The following DGLUCY variants were observed in gnomAD, a reference collection of about 807,000 sequenced individuals.
The protein encoded by DGLUCY is D-glutamate cyclase, mitochondrial.
In DGLUCY, 58 loss-of-function variants were observed where a neutral mutation model predicts 58.5. The ratio of observed to expected loss-of-function variants is 0.99; its 90% CI spans 0.80 to 1.23. The LOEUF (loss-of-function observed/expected upper bound fraction) is 1.23. DGLUCY is among the 50% of genes most tolerant of loss of function. The pLI is 0.00. For missense variants in DGLUCY, 779 were observed against 784.7 expected, an observed-to-expected ratio of 0.99 and a Z score of 0.09; for synonymous variants, 325 against 314.1, an observed-to-expected ratio of 1.03 and a Z score of -0.37.
intron 1 of DGLUCY, among the ~76,000 whole-genome samples, chr14:91,129,826 A>G (rs1277172097): frequency 1.3e-5 from 2 of 151,960 alleles, no homozygotes; most frequent in Non-Finnish European, 2.9e-5. Flanking sequence ...TTGTATTTTT[A>G]GTAGAGATGG....
intron 6 of DGLUCY, among the ~76,000 whole-genome samples, chr14:91,174,295 T>G (rs527422919): frequency 6.6e-6 from 1 of 152,168 alleles, no homozygotes; most frequent in Non-Finnish European, 1.5e-5. Context: ...TTATTTAATT[T>G]AATTAAATTA....
intron 1 of DGLUCY, among the ~76,000 whole-genome samples, chr14:91,067,080 CAAAAAAAA>C (rs778098019): frequency 9.9e-5 from 7 of 71,034 alleles, no homozygotes; most frequent in African/African-American, 3.5e-4. Context: ...GACTCCATCT[CAAAAAAAA>C]AAAAAAAAAA....
chr14:91,167,135 G>T, intron 3 of DGLUCY, 90 bp from the exon 4 acceptor site: 7 of 1,394,508 alleles, frequency 5.0e-6, no homozygotes, highest in Non-Finnish European at 3.8e-6. Context: ...GCGAAACTCC[G>T]CCTCAAAAAA....
upstream of DGLUCY, among the ~76,000 whole-genome samples, chr14:91,111,288 A>ATTT (rs1237896603): frequency 3.3e-5 from 2 of 60,516 alleles, no homozygotes; most frequent in Non-Finnish European, 4.4e-5. Context: ...ATATATATAT[A>ATTT]TATTTTTTTT....
At chr14:91,074,928 C>T (rs58476909) in intron 1 of DGLUCY, among the ~76,000 whole-genome samples, 8,435 of 151,916 alleles carry the variant, frequency 0.056, 604 homozygotes, top group African/African-American at 0.16. Flanking sequence ...CAAAATTAGC[C>T]GGGTGTGGTG....
At position 91,061,787 on chromosome 14, in the gene DGLUCY, T is replaced by C. The variant is rs192710535; in HGVS notation, c.-82+1083T>C. Among the ~76,000 whole-genome samples, 144 of 152,250 alleles carry C rather than the reference T, an allele frequency of 9.5e-4. 2 individuals carry two copies. Among genetic ancestry groups the C allele is most frequent in the Admixed American group, 4.2e-3 (64 of 15,286 alleles). On this transcript the variant is annotated intron_variant, in intron 1 of 4. Transcript: ENST00000521334. Reference sequence around the variant, plus strand: ...GAGGTGTGGTAAGATAATGGGGAACTAGGGATGCTGTGCTGAAGAGTGCAG... The same window carrying C: ...GAGGTGTGGTAAGATAATGGGGAACCAGGGATGCTGTGCTGAAGAGTGCAG...
intron 8 of DGLUCY, among the ~76,000 whole-genome samples, chr14:91,184,962 C>G (rs1252213416): frequency 2.6e-5 from 4 of 152,032 alleles, no homozygotes; most frequent in Admixed American, 1.3e-4. Flanking sequence ...AGTTGATCCC[C>G]TGGGTGGATT....
At chr14:91,100,881 G>A (rs981091406) in intron 1 of DGLUCY, among the ~76,000 whole-genome samples, 1 of 152,060 alleles carries the variant, frequency 6.6e-6, no homozygotes, top group African/African-American at 2.4e-5. Flanking sequence ...GACCAGCCTG[G>A]CCAACATGGT....
chr14:91,156,841 G>A (rs892721287), intron 1 of DGLUCY, among the ~76,000 whole-genome samples: 2 of 152,208 alleles, frequency 1.3e-5, no homozygotes, highest in African/African-American at 4.8e-5. Context: ...GGGTTCCCCA[G>A]TGCCCTGATA....
At chr14:91,205,757 TTCTTCTTCTTCTTCTTCTTCTTC>T (rs1567007635) in intron 12 of DGLUCY, among the ~76,000 whole-genome samples, 4 of 107,344 alleles carry the variant, frequency 3.7e-5, no homozygotes, top group Non-Finnish European at 7.3e-5. Context: ...GGGCATTCTC[TTCTTCTTCTTCTTCTTCTTCTTC>T]TTCTTCTTCT....
intron 1 of DGLUCY, among the ~76,000 whole-genome samples, chr14:91,151,309 G>A (rs1311284116): frequency 1.3e-5 from 2 of 151,862 alleles, no homozygotes; most frequent in East Asian, 1.9e-4. Flanking sequence ...GCGTGATCTC[G>A]GCTCACTGCA....
intron 12 of DGLUCY, among the ~76,000 whole-genome samples, chr14:91,208,044 G>A (rs60163294): frequency 0.19 from 28,661 of 152,128 alleles, 2,987 homozygotes; most frequent in Non-Finnish European, 0.23. Context: ...CACCACGCCC[G>A]GCCACCTTTA....
chr14:91,187,005 TC>T, intron 8 of DGLUCY, among the ~76,000 whole-genome samples: 1 of 2,656 alleles, frequency 3.8e-4, no homozygotes, highest in East Asian at 0.038. Flanking sequence ...GTCTTCTTCT[TC>T]TTTTTTTTTT....
upstream of DGLUCY, among the ~76,000 whole-genome samples, chr14:91,104,219 C>T (rs538228303): frequency 6.6e-5 from 10 of 151,624 alleles, no homozygotes; most frequent in South Asian, 1.5e-3. Flanking sequence ...CCCGCCACCA[C>T]GCCCGGCTAA....
At chr14:91,194,189 G>A (rs924838304) in intron 9 of DGLUCY, among the ~76,000 whole-genome samples, 10 of 152,154 alleles carry the variant, frequency 6.6e-5, no homozygotes, top group Non-Finnish European at 8.8e-5. Context: ...TTGCCCTGTC[G>A]CGGTAGTCCT....
chr14:91,073,756 G>C (rs558979216), intron 1 of DGLUCY, among the ~76,000 whole-genome samples: 1 of 152,052 alleles, frequency 6.6e-6, no homozygotes, highest in Middle Eastern at 3.2e-3. Flanking sequence ...AGGAAACAAG[G>C]ACCTCAGCCC....
chr14:91,197,458 T>C (rs944542444), intron 10 of DGLUCY, among the ~76,000 whole-genome samples: 1 of 152,234 alleles, frequency 6.6e-6, no homozygotes, highest in African/African-American at 2.4e-5. Context: ...TACACTCACA[T>C]TGCTGTACAG....
exon 1 of DGLUCY, chr14:91,060,497 C>T: frequency 7.8e-7 from 1 of 1,283,704 alleles, no homozygotes; most frequent in Non-Finnish European, 9.9e-7. Context: ...AGCGGACGCC[C>T]GTCCCCTCGC....
At chr14:91,217,276 A>T (rs974119597) in intron 13 of DGLUCY, among the ~76,000 whole-genome samples, 1 of 150,900 alleles carries the variant, frequency 6.6e-6, no homozygotes, top group Non-Finnish European at 1.5e-5. Context: ...GAGGGATTAG[A>T]GGTGGGTGCC....
Sources: allele counts gnomAD v4.1 joint callset (sites outside exome capture counted in the v4.1 genomes callset), GRCh38; gene constraint gnomAD v4.1.1; transcripts MANE v1.5; gene names NCBI Gene and HGNC (gene_info 2026-07-23, HGNC 2026-07-21).